Variants in MYO5B observed in about 807,000 individuals in gnomAD.
MYO5B encodes myosin VB, also known as unconventional myosin-Vb.
In MYO5B, 143 loss-of-function variants were observed where a neutral mutation model predicts 229.3. The ratio of observed to expected loss-of-function variants is 0.62; its 90% confidence interval spans 0.54 to 0.72. The LOEUF is 0.72. Ranked by LOEUF, MYO5B falls within the 30% of genes least tolerant of loss-of-function variation. The pLI, the probability that MYO5B is intolerant of heterozygous loss-of-function variation, is 0.00. For missense variants in MYO5B, 2,321 were observed against 2,331.0 expected (o/e 1.00, Z 0.09); for synonymous variants, 918 against 885.2 (o/e 1.04, Z -0.66).
At chr18:49,894,673 C>G (rs910626294) in intron 22 of MYO5B, among the ~76,000 whole-genome samples, 2 of 152,168 alleles carry the variant, frequency 1.3e-5, no homozygotes, top group African/African-American at 4.8e-5. Context: ...AATTCTAGAC[C>G]ATAAAAACAA....
chr18:49,888,903 G>A (rs1352119825), intron 22 of MYO5B, among the ~76,000 whole-genome samples: 1 of 152,232 alleles, frequency 6.6e-6, no homozygotes. Flanking sequence ...CTCTGACAGG[G>A]CCTGCACATC....
At chr18:49,879,283 G>C (rs911496222) in intron 23 of MYO5B, 193 bp from the exon 24 acceptor site, 1 of 662,556 alleles carries the variant, frequency 1.5e-6, no homozygotes, top group Non-Finnish European at 2.6e-6. Flanking sequence ...AGTCTTCAGA[G>C]AGGGAGAGAA....
chr18:49,878,831 A>G (rs1210057140), intron 24 of MYO5B, 114 bp downstream of exon 24: 1 of 1,285,488 alleles, frequency 7.8e-7, no homozygotes, highest in East Asian at 2.4e-5. Flanking sequence ...TGCTGCACAT[A>G]TGACACATGG....
intron 1 of MYO5B, among the ~76,000 whole-genome samples, chr18:50,143,278 T>C (rs1303544547): frequency 1.3e-5 from 2 of 152,156 alleles, no homozygotes; most frequent in Non-Finnish European, 2.9e-5. Flanking sequence ...GGAGAAGCCT[T>C]GGAAAGGATG....
intron 4 of MYO5B, among the ~76,000 whole-genome samples, chr18:50,018,798 G>C (rs1056795121): frequency 5.3e-5 from 8 of 152,276 alleles, no homozygotes; most frequent in Admixed American, 5.2e-4. Flanking sequence ...TTAGTGGGCA[G>C]CCATTTCAAC....
intron 1 of MYO5B, among the ~76,000 whole-genome samples, chr18:50,181,758 G>A (rs970158379): frequency 2.6e-5 from 4 of 152,158 alleles, no homozygotes; most frequent in Non-Finnish European, 2.9e-5. Flanking sequence ...GGTGCCTGCA[G>A]CTTGTTTCAT....
chr18:49,962,512 GC>G, intron 11 of MYO5B, 106 bp from the exon 12 acceptor site: 1 of 1,472,384 alleles, frequency 6.8e-7, no homozygotes, highest in Non-Finnish European at 9.4e-7. Flanking sequence ...GCAGAGAACT[GC>G]CAGATAAGGT....
intron 1 of MYO5B, among the ~76,000 whole-genome samples, chr18:50,193,282 T>G (rs2033252842): frequency 6.6e-6 from 1 of 152,034 alleles, no homozygotes; most frequent in South Asian, 2.1e-4. Flanking sequence ...CCTCCTCCCC[T>G]CCTCCCCCAG....
At chr18:50,179,167 A>G (rs1167296701) in intron 1 of MYO5B, among the ~76,000 whole-genome samples, 5 of 152,202 alleles carry the variant, frequency 3.3e-5, no homozygotes, top group Non-Finnish European at 7.3e-5. Flanking sequence ...CACCACCAGA[A>G]TGTAGGCAGA....
intron 1 of MYO5B, among the ~76,000 whole-genome samples, chr18:50,142,582 T>C (rs1047599320): frequency 6.6e-6 from 1 of 152,226 alleles, no homozygotes; most frequent in Admixed American, 6.5e-5. Flanking sequence ...GGATGTCTTC[T>C]GAATTCAAAG....
intron 18 of MYO5B, among the ~76,000 whole-genome samples, chr18:49,907,198 C>G (rs1377466422): frequency 1.3e-5 from 2 of 152,120 alleles, no homozygotes; most frequent in African/African-American, 4.8e-5. Flanking sequence ...GAGCCAATCA[C>G]CAAAGGCCTC....
chr18:50,080,271 G>T (rs954536802), intron 1 of MYO5B, among the ~76,000 whole-genome samples: 3 of 152,084 alleles, frequency 2.0e-5, no homozygotes, highest in African/African-American at 7.2e-5. Flanking sequence ...TCGAGTTAAC[G>T]ACACAGTTTC....
At chr18:49,846,998 G>C (rs1382938888) in intron 33 of MYO5B, 148 bp downstream of exon 33, 57 of 943,870 alleles carry the variant, frequency 6.0e-5, no homozygotes, top group Non-Finnish European at 8.6e-5. Context: ...AGTGGAAGAT[G>C]GGGGCAGGTG....
chr18:50,035,956 C>A (rs2026443610), intron 4 of MYO5B, among the ~76,000 whole-genome samples: 3 of 152,162 alleles, frequency 2.0e-5, no homozygotes, highest in Admixed American at 1.3e-4. Flanking sequence ...GAAATTTTCA[C>A]TGGGATGAAA....
At chr18:50,166,617 C>T (rs1023292745) in intron 1 of MYO5B, among the ~76,000 whole-genome samples, 7 of 152,114 alleles carry the variant, frequency 4.6e-5, no homozygotes, top group African/African-American at 1.7e-4. Context: ...ATTTAAGCTG[C>T]ATAGTACACA....
chr18:50,024,776 A>T (rs2026312759), intron 4 of MYO5B, among the ~76,000 whole-genome samples: 1 of 152,166 alleles, frequency 6.6e-6, no homozygotes, highest in African/African-American at 2.4e-5. Flanking sequence ...TTCCTCAACC[A>T]GAGAGGTTCC....
chr18:49,890,366 C>CT (rs1351923745), intron 22 of MYO5B, among the ~76,000 whole-genome samples: 1 of 101,342 alleles, frequency 9.9e-6, no homozygotes, highest in Non-Finnish European at 2.3e-5. Flanking sequence ...TCAGCAGCTC[C>CT]TTTTTTTGGA....
In MYO5B at chr18:49,880,386, G is replaced by A; in HGVS notation, c.3115C>T (p.Leu1039=). 6.2e-7 allele frequency: 1 copy of A among 1,614,014 alleles called. No homozygotes were observed. The highest frequency in any genetic ancestry group is 8.5e-7 in the Non-Finnish European group (1 of 1,179,890). The stretch of plus-strand genomic sequence containing the variant: ...TGGTACTTACCTTTAGACTGGCACA[G>A]GATTTGGTTGTTGAGCTGTTCTTTC... ...DEKEQLNNQI[L]CQSKDEFAQN... Residue 1039 remains leucine, a synonymous_variant, in exon 23 of 40, where the codon CTG becomes TTG. Coordinates refer to ENST00000285039, the MANE Select transcript of MYO5B (RefSeq NM_001080467.3).
At chr18:49,946,130 A>C (rs914569501) in intron 14 of MYO5B, 1 of 151,442 alleles carries the variant, frequency 6.6e-6, no homozygotes, top group African/African-American at 2.4e-5. Context: ...AAAAAAAAAA[A>C]ATATTAAGCC....
Sources: gnomAD v4.1 joint callset for allele counts (sites outside exome capture counted in the v4.1 genomes callset) on GRCh38, gnomAD v4.1.1 for gene constraint, MANE v1.5 for transcripts, NCBI Gene and HGNC (gene_info 2026-07-23, HGNC 2026-07-21) for gene names.